The following STIM2 variants were observed in gnomAD, a reference collection of about 807,000 sequenced individuals.
STIM2 encodes the protein stromal interaction molecule 2.
Under a neutral mutation model 85.8 loss-of-function variants are expected in STIM2, and 31 were observed. That is an observed-to-expected ratio of 0.36 (90% CI 0.27 to 0.49). The LOEUF is 0.49. STIM2 is among the 20% of genes least tolerant of loss of function. The probability of loss-of-function intolerance (pLI) is 0.98; values close to 1 mark genes in which losing one functional copy is unlikely to be tolerated. For synonymous variants in STIM2, 356 were observed against 331.1 expected (o/e 1.08, Z -0.82); for missense variants, 841 against 927.6 (o/e 0.91, Z 1.21).
chr4:26,982,428 A>G lies in STIM2; in HGVS notation c.398-12951A>G, dbSNP rs180975142. Among the ~76,000 whole-genome samples, 669 of 152,248 alleles carry G rather than the reference A, an allele frequency of 4.4e-3. 1 individual carries two copies. Among genetic ancestry groups the G allele is most frequent in the Non-Finnish European group, 7.5e-3 (510 of 68,014 alleles). On this transcript the variant is annotated intron_variant, in intron 3 of 11. Transcript: ENST00000467087. ...TTCTATATCTTTTTATATCCTTTCT[A>G]ACTGGCTTCTATATTCTTTAAAATA...
chr4:26,870,590 G>T (rs1236232257), intron 1 of STIM2, among the ~76,000 whole-genome samples: 1 of 152,024 alleles, frequency 6.6e-6, no homozygotes, highest in African/African-American at 2.4e-5. Context: ...ATATATGATA[G>T]ATGTACATGT....
intron 1 of STIM2, among the ~76,000 whole-genome samples, chr4:26,889,389 G>T (rs547438953): frequency 1.2e-4 from 19 of 152,336 alleles, no homozygotes; most frequent in African/African-American, 3.6e-4. Context: ...TACACTTCAT[G>T]TGCTGTAAAG....
rs1722134257 is a variant in STIM2 at position 26,860,845 on chromosome 4, C to G, written c.-374C>G. The stretch of plus-strand genomic sequence containing the variant: ...GGGTTGGTGTTTGGCGGCGCCAGAG[C>G]AGCGGATCCCGGTCTCGCCGCAGCA... On this transcript the variant is annotated 5_prime_UTR_variant, in exon 1 of 12. Transcript: ENST00000467087. 1.4e-6 allele frequency: 1 copy of G among 697,464 alleles called. No individual in the cohort carries two copies. Among genetic ancestry groups the G allele is most frequent in the African/African-American group, 2.1e-5 (1 of 48,484 alleles). 43.2% of individuals were successfully genotyped at this position (697,464 alleles called of 1,614,324 possible).
At chr4:26,891,037 T>G (rs1032569403) in intron 1 of STIM2, among the ~76,000 whole-genome samples, 3 of 152,184 alleles carry the variant, frequency 2.0e-5, no homozygotes, top group Non-Finnish European at 4.4e-5. Context: ...GGCAGCCTAG[T>G]CTGTTGCAAA....
At chr4:26,974,446 C>A (rs1485259822) in intron 3 of STIM2, among the ~76,000 whole-genome samples, 1 of 152,216 alleles carries the variant, frequency 6.6e-6, no homozygotes, top group East Asian at 1.9e-4. Context: ...GTGACAGAAT[C>A]TCTCAGCATT....
chr4:26,896,099 A>ACTG (rs1723688708), intron 1 of STIM2, among the ~76,000 whole-genome samples: 1 of 152,184 alleles, frequency 6.6e-6, no homozygotes, highest in Non-Finnish European at 1.5e-5. Flanking sequence ...TTGTTGTAGT[A>ACTG]CTGAGGTCTT....
At chr4:26,976,479 T>C (rs1727200680) in intron 3 of STIM2, among the ~76,000 whole-genome samples, 1 of 151,892 alleles carries the variant, frequency 6.6e-6, no homozygotes, top group Non-Finnish European at 1.5e-5. Flanking sequence ...ACCAATGATT[T>C]GATTGATTGC....
chr4:26,955,195 C>T (rs1195579753), intron 2 of STIM2, among the ~76,000 whole-genome samples: 1 of 147,124 alleles, frequency 6.8e-6, no homozygotes, highest in Non-Finnish European at 1.5e-5. Flanking sequence ...GGCATATATC[C>T]ATAAGCTCAT....
At chr4:26,914,883 G>A (rs1160191762) in intron 1 of STIM2, among the ~76,000 whole-genome samples, 1 of 152,202 alleles carries the variant, frequency 6.6e-6, no homozygotes, top group Non-Finnish European at 1.5e-5. Flanking sequence ...ACAGGTGTCT[G>A]ATGATCTCCT....
chr4:26,981,687 C>G (rs1206704712), intron 3 of STIM2, among the ~76,000 whole-genome samples: 18 of 152,172 alleles, frequency 1.2e-4, no homozygotes, highest in Non-Finnish European at 2.5e-4. Context: ...ATAATACTGC[C>G]TGGACTTTTA....
chr4:26,895,462 T>G (rs1168401204), intron 1 of STIM2, among the ~76,000 whole-genome samples: 2 of 152,230 alleles, frequency 1.3e-5, no homozygotes, highest in African/African-American at 4.8e-5. Context: ...GTTTTGAGTT[T>G]TTTTGCATGT....
intron 2 of STIM2, among the ~76,000 whole-genome samples, chr4:26,944,204 T>G (rs749905380): frequency 3.3e-5 from 5 of 152,218 alleles, no homozygotes; most frequent in Non-Finnish European, 7.3e-5. Context: ...GTATCACTTC[T>G]GTCTTTGTCT....
chr4:27,007,652 T>C lies in STIM2; in HGVS notation c.1101T>C (p.Asn367=). The change falls in exon 8 of 12, where the codon AAT becomes AAC. Residue 367 remains asparagine (N), a synonymous_variant. Transcript: ENST00000467087. The stretch of plus-strand genomic sequence containing the variant: ...ATGAAGTAGAAGTGCAATACTACAA[T>C]ATTAAAAGACAAAACGCTGAAATGC... The C allele has an allele frequency of 6.2e-7, 1 of 1,600,128 alleles. No homozygotes were observed.
rs1202300590 is a variant in STIM2, at chr4:26,861,214, C to A, written c.-5C>A. On this transcript the variant is annotated 5_prime_UTR_variant, in exon 1 of 12. In the 5' UTR this introduces an upstream ATG that the reference lacks. Transcript: ENST00000467087. ...TGGCTGCTGCGGCGGCGGCGCTGGG[C>A]TGCGTTGCTGGTGCTCGGGCTGCTG... The A allele has an allele frequency of 6.8e-7, 1 of 1,479,706 alleles. No homozygotes were observed. 91.7% of individuals were successfully genotyped at this position (1,479,706 alleles called of 1,614,324 possible).
chr4:26,953,057 A>G (rs1726114071), intron 2 of STIM2, among the ~76,000 whole-genome samples: 2 of 152,160 alleles, frequency 1.3e-5, no homozygotes, highest in African/African-American at 2.4e-5. Context: ...TGACTCACAT[A>G]TCAGACCTTG....
chr4:26,982,968 C>G (rs898294187), intron 3 of STIM2, among the ~76,000 whole-genome samples: 1 of 152,106 alleles, frequency 6.6e-6, no homozygotes, highest in Non-Finnish European at 1.5e-5. Flanking sequence ...GGGTCCTGAC[C>G]CCACGGGCTG....
intron 3 of STIM2, among the ~76,000 whole-genome samples, chr4:26,966,313 G>A (rs1465479345): frequency 6.6e-6 from 1 of 152,124 alleles, no homozygotes; most frequent in African/African-American, 2.4e-5. Flanking sequence ...TGGGAAAGAG[G>A]TGGGAAGGAG....
chr4:27,022,972 C>A lies in STIM2; in HGVS notation c.2217C>A (p.Ser739Arg), dbSNP rs769201706. Residue 739 changes from serine to arginine, a missense_variant, in exon 12 of 12, where the codon AGC (serine) becomes AGA (arginine). Coordinates refer to ENST00000467087, the MANE Select transcript of STIM2 (RefSeq NM_020860.4). ...GCAAAAAGCCATCAAAAATCAAAAGCCTTTTTAAGAAGAAATCTAAGTGAA... is the reference window on the plus strand; with the variant it reads ...GCAAAAAGCCATCAAAAATCAAAAGACTTTTTAAGAAGAAATCTAAGTGAA... The A allele has an allele frequency of 5.6e-6, 9 of 1,612,848 alleles. No homozygotes were observed. The highest frequency in any genetic ancestry group is 7.6e-6 in the Non-Finnish European group (9 of 1,179,858).
chr4:26,900,082 T>C (rs1199870249), intron 1 of STIM2, among the ~76,000 whole-genome samples: 2 of 152,154 alleles, frequency 1.3e-5, no homozygotes, highest in Non-Finnish European at 2.9e-5. Flanking sequence ...GTAGGCAAAA[T>C]GTTCAAAGAG....
Sources: gnomAD v4.1 joint callset for allele counts (sites outside exome capture counted in the v4.1 genomes callset) on GRCh38, gnomAD v4.1.1 for gene constraint, MANE v1.5 for transcripts, NCBI Gene and HGNC (gene_info 2026-07-23, HGNC 2026-07-21) for gene names.